Variants in VRK2 observed in about 807,000 individuals in gnomAD.
The protein encoded by VRK2 is VRK serine/threonine kinase 2.
In VRK2, 60 loss-of-function variants were observed where a neutral mutation model predicts 57.6. The ratio of observed to expected loss-of-function variants is 1.04; its 90% confidence interval spans 0.85 to 1.29. The LOEUF (loss-of-function observed/expected upper bound fraction) is 1.29. Ranked by LOEUF, VRK2 falls within the 50% of genes most tolerant of loss-of-function variation. The pLI, the probability that VRK2 is intolerant of heterozygous loss-of-function variation, is 0.00. For missense variants in VRK2, 705 were observed against 588.1 expected (o/e 1.20, Z -2.06); for synonymous variants, 231 against 199.2 (o/e 1.16, Z -1.35).
chr2:57,942,464 T>A (rs141401727), intron 1 of VRK2, among the ~76,000 whole-genome samples: 1 of 152,336 alleles, frequency 6.6e-6, no homozygotes, highest in East Asian at 1.9e-4. Context: ...AGTAGGTCCC[T>A]GTTTATTGCA....
At chr2:57,910,112 G>GAA (rs748941982) in intron 1 of VRK2, among the ~76,000 whole-genome samples, 3 of 133,648 alleles carry the variant, frequency 2.2e-5, no homozygotes, top group Admixed American at 7.6e-5. Flanking sequence ...GAAGATAGAG[G>GAA]AAAAAAAAAA....
intron 1 of VRK2, among the ~76,000 whole-genome samples, chr2:57,927,488 G>C (rs1399102443): frequency 1.3e-5 from 2 of 151,992 alleles, no homozygotes; most frequent in African/African-American, 2.4e-5. Flanking sequence ...TGTTGATCAG[G>C]TTGTTCTTGA....
intron 2 of VRK2, among the ~76,000 whole-genome samples, chr2:58,056,292 C>A (rs1033027851): frequency 6.6e-6 from 1 of 152,108 alleles, no homozygotes; most frequent in African/African-American, 2.4e-5. Context: ...GTGAATACTT[C>A]AACGTATTCA....
intron 7 of VRK2, among the ~76,000 whole-genome samples, chr2:58,104,938 CAACAAA>C (rs2104372652): frequency 6.6e-6 from 1 of 151,728 alleles, no homozygotes; most frequent in Non-Finnish European, 1.5e-5. Context: ...TTGATAGAGT[CAACAAA>C]AATGCACACT....
chr2:58,142,717 A>T (rs900437978), intron 11 of VRK2, among the ~76,000 whole-genome samples: 1 of 151,878 alleles, frequency 6.6e-6, no homozygotes, highest in East Asian at 1.9e-4. Flanking sequence ...GAATTCCCAG[A>T]TAAGAATGTT....
At position 57,997,283 on chromosome 2, in the gene VRK2, T is replaced by A. The variant is rs556709009; in HGVS notation, c.-438-28382T>A. Among the ~76,000 whole-genome samples the A allele has an allele frequency of 2.7e-4, 41 of 152,104 alleles. 2 individuals are homozygous for A. The South Asian group carries it at 8.5e-3, about 32-fold the overall frequency. ...ATATAATTAGCCAATAGACAAGATT[T>A]CAATATGGCTTCAGAAAAACATGTA... is the stretch of plus-strand genomic sequence containing the variant. On this transcript the variant is annotated intron_variant, in intron 1 of 15. Transcript: ENST00000417641.
At chr2:57,938,529 A>G (rs1279729016) in intron 1 of VRK2, among the ~76,000 whole-genome samples, 1 of 152,234 alleles carries the variant, frequency 6.6e-6, no homozygotes, top group Non-Finnish European at 1.5e-5. Context: ...TCTAGAAAAC[A>G]GGATACCACT....
At chr2:57,934,023 C>G (rs187664576) in intron 1 of VRK2, among the ~76,000 whole-genome samples, 6 of 152,250 alleles carry the variant, frequency 3.9e-5, no homozygotes, top group Admixed American at 1.3e-4. Flanking sequence ...AAACTCCATA[C>G]TTTTGCTACC....
At chr2:58,105,153 A>G (rs553331724) in intron 7 of VRK2, among the ~76,000 whole-genome samples, 1 of 151,986 alleles carries the variant, frequency 6.6e-6, no homozygotes, top group Non-Finnish European at 1.5e-5. Context: ...TGGTCTAGGT[A>G]AATAATTATA....
chr2:58,110,333 A>G (rs979078124), intron 7 of VRK2, among the ~76,000 whole-genome samples: 8 of 152,206 alleles, frequency 5.3e-5, no homozygotes, highest in African/African-American at 1.7e-4. Flanking sequence ...AGGGCATAAT[A>G]TATTCCTATT....
intron 10 of VRK2, among the ~76,000 whole-genome samples, chr2:58,137,159 T>TC (rs1553422311): frequency 5.6e-5 from 4 of 71,834 alleles, no homozygotes; most frequent in Non-Finnish European, 5.8e-5. Context: ...CATGTGTTTA[T>TC]ATATATCATA....
At chr2:57,957,586 T>G (rs1177431928) in intron 1 of VRK2, among the ~76,000 whole-genome samples, 1 of 148,126 alleles carries the variant, frequency 6.8e-6, no homozygotes, top group Non-Finnish European at 1.5e-5. Flanking sequence ...TTATATATAT[T>G]TAAAACTATA....
chr2:58,001,178 T>C (rs1274786180), intron 1 of VRK2, among the ~76,000 whole-genome samples: 4 of 152,236 alleles, frequency 2.6e-5, no homozygotes, highest in African/African-American at 9.6e-5. Context: ...TATTTTTTCA[T>C]ACATTTCATA....
intron 1 of VRK2, among the ~76,000 whole-genome samples, chr2:57,969,656 C>T (rs1672031677): frequency 6.6e-6 from 1 of 151,876 alleles, no homozygotes; most frequent in African/African-American, 2.4e-5. Context: ...AGGAAATGAA[C>T]AGAAAGGAAA....
At chr2:58,049,040 A>G in intron 2 of VRK2, 73 bp downstream of exon 2, 5 of 1,523,418 alleles carry the variant, frequency 3.3e-6, no homozygotes, top group Non-Finnish European at 3.5e-6. Flanking sequence ...GTGGTATTTT[A>G]AGAATGGAAA....
At chr2:57,944,627 T>G (rs2103963765) in intron 1 of VRK2, among the ~76,000 whole-genome samples, 1 of 151,902 alleles carries the variant, frequency 6.6e-6, no homozygotes, top group African/African-American at 2.4e-5. Context: ...TCCCAGCTAC[T>G]CTGGAGGCTG....
intron 2 of VRK2, among the ~76,000 whole-genome samples, chr2:58,051,469 A>G (rs560378565): frequency 2.6e-5 from 4 of 152,354 alleles, no homozygotes; most frequent in African/African-American, 9.6e-5. Context: ...CTATACAAAC[A>G]AATCAATATG....
chr2:57,992,825 C>T (rs1380959803), intron 1 of VRK2, among the ~76,000 whole-genome samples: 2 of 152,148 alleles, frequency 1.3e-5, no homozygotes, highest in South Asian at 2.1e-4. Context: ...CGTGAGCCAC[C>T]GCGCCCGGCC....
chr2:58,097,763 G>A (rs1202054516), intron 7 of VRK2, among the ~76,000 whole-genome samples: 4 of 151,978 alleles, frequency 2.6e-5, no homozygotes, highest in Non-Finnish European at 5.9e-5. Context: ...GCTGCTCTTT[G>A]TATGAAAGTA....
Sources: gnomAD v4.1 joint callset for allele counts (sites outside exome capture counted in the v4.1 genomes callset) on GRCh38, gnomAD v4.1.1 for gene constraint, MANE v1.5 for transcripts, NCBI Gene and HGNC (gene_info 2026-07-23, HGNC 2026-07-21) for gene names.